The following ITCH variants were observed in gnomAD, a reference collection of about 807,000 sequenced individuals.
ITCH encodes itchy E3 ubiquitin protein ligase, also known as E3 ubiquitin-protein ligase Itchy homolog.
A neutral mutation model predicts 126.8 loss-of-function variants in ITCH; 28 were observed. The ratio of observed to expected loss-of-function variants is 0.22; its 90% confidence interval spans 0.16 to 0.30. ITCH has a LOEUF of 0.30. Among genes scored for constraint, ITCH ranks in the 10% least tolerant of loss-of-function variants. The pLI, the probability that ITCH is intolerant of heterozygous loss-of-function variation, is 1.00. For synonymous variants in ITCH, 342 were observed against 340.0 expected, an observed-to-expected ratio of 1.01 and a Z score of -0.06; for missense variants, 631 against 1,032.4, an observed-to-expected ratio of 0.61 and a Z score of 5.33.
rs997093800 is a variant in ITCH at position 34,400,217 on chromosome 20, G to A, written c.70+6336G>A. ...CTCCCAAAGTGCTGGAATTATAGGC[G>A]TGAGCCACTGCGCCCGGCCAAAAAT... On this transcript the variant is annotated intron_variant, in intron 3 of 24. Coordinates refer to ENST00000374864, the MANE Select transcript of ITCH (RefSeq NM_031483.7). 3.3e-5 allele frequency among the ~76,000 whole-genome samples: 5 copies of A among 152,220 alleles called. No homozygotes were observed. The East Asian group carries it at 7.7e-4, about 24-fold the overall frequency.
At chr20:34,470,886 C>T (rs996246171) in intron 15 of ITCH, among the ~76,000 whole-genome samples, 1 of 152,170 alleles carries the variant, frequency 6.6e-6, no homozygotes. Context: ...TGCCCGGACA[C>T]CAGCCATTTT....
Position 34,457,491 on chromosome 20 carries a change from G to C in ITCH, c.1295+17G>C. On this transcript the variant is annotated intron_variant, in intron 13 of 24. Transcript: ENST00000374864. ...AAGTCAAGGGTAAGAATAGTTACTT[G>C]TGTATATTTAATCTCTTAAAGATTA... 6.7e-7 allele frequency: 1 copy of C among 1,490,132 alleles called. No individual in the cohort carries two copies. The highest frequency in any genetic ancestry group is 9.4e-7 in the Non-Finnish European group (1 of 1,068,694). 92.3% of individuals were successfully genotyped at this position (1,490,132 alleles called of 1,614,324 possible).
intron 7 of ITCH, among the ~76,000 whole-genome samples, chr20:34,430,048 A>G (rs1449533624): frequency 1.3e-5 from 2 of 152,306 alleles, no homozygotes; most frequent in African/African-American, 4.8e-5. Context: ...GAGAAATGGC[A>G]TTTGGTGATT....
At chr20:34,475,118 CCTCA>C (rs751308431) in intron 16 of ITCH, among the ~76,000 whole-genome samples, 4 of 151,082 alleles carry the variant, frequency 2.6e-5, no homozygotes, top group Non-Finnish European at 5.9e-5. Context: ...AAGAGGCGCT[CCTCA>C]CTCCTAGATG....
chr20:34,477,401 A>G (rs1369829150), intron 16 of ITCH, among the ~76,000 whole-genome samples: 2 of 152,114 alleles, frequency 1.3e-5, no homozygotes, highest in Admixed American at 6.5e-5. Flanking sequence ...GTGGTGGCGC[A>G]CACCTGTAGT....
Position 34,445,311 on chromosome 20 carries a change from G to C in ITCH, c.990G>C (p.Met330Ile). 1 of 1,590,478 alleles carries C rather than the reference G, an allele frequency of 6.3e-7. No homozygotes were observed. The highest frequency in any genetic ancestry group is 8.6e-7 in the Non-Finnish European group (1 of 1,167,428). The change falls in exon 11 of 25, where the codon ATG becomes ATC. Residue 330 changes from methionine to isoleucine, a missense_variant. Physicochemically the swap from Met to Ile is conservative, Grantham distance 10. Around this residue, in one of 4 missense-constraint regions of ITCH, gnomAD observed 390 missense variants for 731.6 expected, o/e 0.53. Transcript: ENST00000374864. ...PPGWERRVDN[M>I]GRIYYVDHFT... ...GCTGGGAACGGCGGGTTGACAACATGGGACGTATTTATTATGTTGACCATT... is the reference window on the plus strand; with the variant it reads ...GCTGGGAACGGCGGGTTGACAACATCGGACGTATTTATTATGTTGACCATT...
At chr20:34,476,734 G>T in intron 16 of ITCH, 1 of 209,834 alleles carries the variant, frequency 4.8e-6, no homozygotes. Flanking sequence ...ATCCTCTCTG[G>T]ATATTTAAGT....
chr20:34,418,731 C>T (rs558739867), intron 6 of ITCH, among the ~76,000 whole-genome samples: 12 of 149,856 alleles, frequency 8.0e-5, no homozygotes, highest in African/African-American at 2.7e-4. Flanking sequence ...GGTAGTAAAA[C>T]TCCTTTCTTT....
At chr20:34,443,140 A>G (rs991096152) in intron 10 of ITCH, among the ~76,000 whole-genome samples, 4 of 152,162 alleles carry the variant, frequency 2.6e-5, no homozygotes, top group African/African-American at 9.7e-5. Context: ...TTAAAAAACT[A>G]TAATAGCAAA....
At chr20:34,402,577 C>T in intron 3 of ITCH, 3 of 700,790 alleles carry the variant, frequency 4.3e-6, no homozygotes, top group Non-Finnish European at 2.7e-6. Context: ...TGGTTCTCTA[C>T]CAGTCATAAT....
chr20:34,364,890 CAAA>C (rs1234445956), intron 1 of ITCH, among the ~76,000 whole-genome samples: 4 of 42,484 alleles, frequency 9.4e-5, no homozygotes, highest in Non-Finnish European at 9.0e-5. Flanking sequence ...GACTCCGCCT[CAAA>C]AAAAAAAAAA....
chr20:34,380,944 C>T (rs957425440), intron 2 of ITCH, among the ~76,000 whole-genome samples: 4 of 151,940 alleles, frequency 2.6e-5, no homozygotes, highest in Admixed American at 6.6e-5. Context: ...TGTGTCACTG[C>T]ACCTGGGTAA....
intron 23 of ITCH, among the ~76,000 whole-genome samples, chr20:34,497,940 A>G (rs1327798042): frequency 6.6e-6 from 1 of 152,228 alleles, no homozygotes; most frequent in Non-Finnish European, 1.5e-5. Context: ...TACGGTTATT[A>G]GTGGAGTATT....
intron 2 of ITCH, among the ~76,000 whole-genome samples, chr20:34,390,220 T>C (rs2038434830): frequency 6.6e-6 from 1 of 152,174 alleles, no homozygotes; most frequent in Admixed American, 6.5e-5. Context: ...TCTTTAATTC[T>C]GCAGATACTC....
At chr20:34,471,282 T>TACTC (rs2146419548) in intron 15 of ITCH, among the ~76,000 whole-genome samples, 162 bp from the exon 16 acceptor site, 1 of 152,206 alleles carries the variant, frequency 6.6e-6, no homozygotes, top group Admixed American at 6.5e-5. Flanking sequence ...TTAGCATGAA[T>TACTC]ACTCACAGAT....
At chr20:34,478,814 C>T (rs1345200247) in intron 17 of ITCH, among the ~76,000 whole-genome samples, 1 of 151,824 alleles carries the variant, frequency 6.6e-6, no homozygotes, top group Non-Finnish European at 1.5e-5. Context: ...TGAGTAGAAA[C>T]ATGTAATTTT....
intron 14 of ITCH, among the ~76,000 whole-genome samples, chr20:34,467,689 T>C (rs1987208257): frequency 7.1e-6 from 1 of 141,348 alleles, no homozygotes; most frequent in East Asian, 2.0e-4. Flanking sequence ...TTTTTTTTTT[T>C]TTTTTTTTTT....
intron 11 of ITCH, 63 bp downstream of exon 11, chr20:34,445,524 T>C: frequency 1.3e-6 from 2 of 1,526,386 alleles, no homozygotes; most frequent in African/African-American, 1.4e-5. Flanking sequence ...TTCCAGCATA[T>C]GTCATGGAAA....
At chr20:34,506,752 TC>T (rs1289451960) in intron 24 of ITCH, among the ~76,000 whole-genome samples, 1 of 152,182 alleles carries the variant, frequency 6.6e-6, no homozygotes, top group African/African-American at 2.4e-5. Context: ...TTTCCCCAGG[TC>T]CTGGCAAACA....
Sources: allele counts gnomAD v4.1 joint callset (sites outside exome capture counted in the v4.1 genomes callset), GRCh38; gene constraint gnomAD v4.1.1; regional missense constraint gnomAD v4.1.1; transcripts MANE v1.5; gene names NCBI Gene and HGNC (gene_info 2026-07-23, HGNC 2026-07-21).